ANO3: variants seen among roughly 807,000 people sequenced by gnomAD.
The protein encoded by ANO3 is anoctamin 3, also known as anoctamin-3.
Under a neutral mutation model 144.8 loss-of-function variants are expected in ANO3, and 99 were observed. That is an observed-to-expected ratio of 0.68 (90% confidence interval 0.58 to 0.81). The LOEUF (loss-of-function observed/expected upper bound fraction) is 0.81. Ranked by LOEUF, ANO3 falls within the 30% of genes least tolerant of loss-of-function variation. The pLI, the probability that ANO3 is intolerant of heterozygous loss-of-function variation, is 0.00. For synonymous variants in ANO3, 414 were observed against 392.6 expected (o/e 1.05, Z -0.64); for missense variants, 905 against 1,202.2 (o/e 0.75, Z 3.66).
intron 1 of ANO3, among the ~76,000 whole-genome samples, chr11:26,227,976 A>G (rs560936965): frequency 1.3e-5 from 2 of 152,340 alleles, no homozygotes; most frequent in Non-Finnish European, 2.9e-5. Flanking sequence ...CCTACCTATT[A>G]AAATCTAATT....
chr11:26,220,335 C>A (rs976549061), intron 1 of ANO3, among the ~76,000 whole-genome samples: 2 of 152,180 alleles, frequency 1.3e-5, no homozygotes, highest in African/African-American at 4.8e-5. Flanking sequence ...CCTGGGGCAG[C>A]AAGCTAGCCC....
chr11:26,491,022 T>A (rs1860684962), intron 4 of ANO3, among the ~76,000 whole-genome samples: 1 of 152,218 alleles, frequency 6.6e-6, no homozygotes, highest in Non-Finnish European at 1.5e-5. Flanking sequence ...AATTCTTTTA[T>A]TCTATTTAAA....
chr11:26,389,767 T>C (rs1341964537), intron 1 of ANO3, among the ~76,000 whole-genome samples: 1 of 152,132 alleles, frequency 6.6e-6, no homozygotes, highest in Non-Finnish European at 1.5e-5. Context: ...TTTGAAAAGG[T>C]ATTATTTTCT....
intron 1 of ANO3, among the ~76,000 whole-genome samples, chr11:26,260,151 C>T (rs960029515): frequency 1.3e-5 from 2 of 151,406 alleles, no homozygotes; most frequent in African/African-American, 4.9e-5. Flanking sequence ...AATTCTGGCA[C>T]AGGCTTTTTG....
chr11:26,394,835 C>A (rs1228876642), intron 1 of ANO3, among the ~76,000 whole-genome samples: 1 of 152,060 alleles, frequency 6.6e-6, no homozygotes, highest in Non-Finnish European at 1.5e-5. Context: ...CTCAGCCACA[C>A]AAAGTGCTGG....
chr11:26,580,465 T>C (rs1353184762), intron 14 of ANO3, among the ~76,000 whole-genome samples: 1 of 152,176 alleles, frequency 6.6e-6, no homozygotes, highest in Admixed American at 6.5e-5. Context: ...TTTCCTATAG[T>C]TTCTGGCTTC....
At chr11:26,615,545 C>A (rs1852234105) in intron 17 of ANO3, among the ~76,000 whole-genome samples, 1 of 151,696 alleles carries the variant, frequency 6.6e-6, no homozygotes, top group African/African-American at 2.4e-5. Context: ...GCTGTAATTT[C>A]TGGATCTTTT....
intron 1 of ANO3, among the ~76,000 whole-genome samples, chr11:26,343,815 A>G (rs905932585): frequency 1.4e-4 from 21 of 152,172 alleles, no homozygotes; most frequent in Non-Finnish European, 2.8e-4. Flanking sequence ...GGGACTGATA[A>G]GGTTGTTTGA....
intron 1 of ANO3, among the ~76,000 whole-genome samples, chr11:26,404,027 C>CT (rs554842198): frequency 6.6e-6 from 1 of 151,716 alleles, no homozygotes; most frequent in South Asian, 2.1e-4. Flanking sequence ...TGCTTTTTGT[C>CT]TTTTTTTCCG....
At chr11:26,558,548 T>C (rs1427524931) in intron 13 of ANO3, among the ~76,000 whole-genome samples, 4 of 152,118 alleles carry the variant, frequency 2.6e-5, no homozygotes, top group African/African-American at 9.7e-5. Flanking sequence ...GAAAACCGAT[T>C]TTTATATTAA....
upstream of ANO3, among the ~76,000 whole-genome samples, chr11:26,329,036 A>AT (rs1228183584): frequency 1.3e-5 from 2 of 152,152 alleles, no homozygotes; most frequent in East Asian, 3.9e-4. Context: ...TAAAATACAC[A>AT]TTTTGCATGT....
chr11:26,323,947 GA>G (rs1286161711), intron 1 of ANO3, among the ~76,000 whole-genome samples: 1 of 152,160 alleles, frequency 6.6e-6, no homozygotes, highest in Non-Finnish European at 1.5e-5. Context: ...CAGTAGCTGT[GA>G]AAACCAGCTG....
intron 1 of ANO3, among the ~76,000 whole-genome samples, chr11:26,303,607 C>T (rs1248113212): frequency 6.6e-6 from 1 of 152,170 alleles, no homozygotes; most frequent in East Asian, 1.9e-4. Context: ...ATGCTCACTA[C>T]CTAGCTGATG....
intron 1 of ANO3, among the ~76,000 whole-genome samples, chr11:26,199,094 C>T (rs1851643171): frequency 6.7e-6 from 1 of 148,728 alleles, no homozygotes; most frequent in African/African-American, 2.4e-5. Context: ...TCTGGGAGAT[C>T]AATTTTAGGT....
intron 4 of ANO3, among the ~76,000 whole-genome samples, chr11:26,487,348 C>T (rs1336298242): frequency 6.6e-6 from 1 of 152,216 alleles, no homozygotes. Context: ...TTGCCTCCCA[C>T]CATAGTTCTG....
chr11:26,356,901 T>C (rs991555692), intron 1 of ANO3, among the ~76,000 whole-genome samples: 2 of 152,198 alleles, frequency 1.3e-5, no homozygotes, highest in East Asian at 1.9e-4. Context: ...TTCTGATTTG[T>C]AGTCAAATTT....
At chr11:26,258,738 A>G (rs1853116079) in intron 1 of ANO3, among the ~76,000 whole-genome samples, 1 of 152,224 alleles carries the variant, frequency 6.6e-6, no homozygotes. Flanking sequence ...CATTCATATT[A>G]AATCTATACA....
At chr11:26,539,297 G>A (rs756482421) in intron 10 of ANO3, among the ~76,000 whole-genome samples, 31 of 152,006 alleles carry the variant, frequency 2.0e-4, no homozygotes, top group South Asian at 1.0e-3. Context: ...CTGAGTGTAC[G>A]TAATACTTCA....
chr11:26,531,295 A>T lies in ANO3; in HGVS notation c.828A>T (p.Ser276=). ...CAGCTTTTCCAGACCTAGAGGAGTC[A>T]GACTGCTATACTGGCCCCTTCAGCC... ...DKSAFPDLEE[S]DCYTGPFSRA... is the part of the protein sequence containing the mutation. Residue 276 remains serine (S), a synonymous_variant, in exon 8 of 27, where the codon TCA becomes TCT. Coordinates refer to ENST00000256737, the MANE Select transcript of ANO3 (RefSeq NM_031418.4). 6.2e-7 allele frequency: 1 copy of T among 1,614,078 alleles called. No homozygotes were observed. Among genetic ancestry groups the T allele is most frequent in the Admixed American group, 1.7e-5 (1 of 60,008 alleles).
Sources: allele counts gnomAD v4.1 joint callset (sites outside exome capture counted in the v4.1 genomes callset), GRCh38; gene constraint gnomAD v4.1.1; transcripts MANE v1.5; gene names NCBI Gene and HGNC (gene_info 2026-07-23, HGNC 2026-07-21).